Variants in COL19A1 observed in about 807,000 individuals in gnomAD.
The protein encoded by COL19A1 is collagen alpha-1(XIX) chain.
In COL19A1, 159 loss-of-function variants were observed where a neutral mutation model predicts 190.2. The ratio of observed to expected loss-of-function variants is 0.84; its 90% CI spans 0.73 to 0.95. The LOEUF (loss-of-function observed/expected upper bound fraction) is 0.95. COL19A1 is among the 40% of genes least tolerant of loss of function. The pLI is 0.00. For missense variants in COL19A1, 1,418 were observed against 1,431.9 expected (o/e 0.99, Z 0.16); for synonymous variants, 509 against 458.9 (o/e 1.11, Z -1.39).
chr6:70,167,164 C>T (rs983606450), intron 37 of COL19A1, among the ~76,000 whole-genome samples: 7 of 152,312 alleles, frequency 4.6e-5, no homozygotes, highest in African/African-American at 1.7e-4. Flanking sequence ...TGTCTTCCAT[C>T]ACTAGTGTTT....
chr6:70,201,639 G>A (rs943353930), intron 49 of COL19A1, among the ~76,000 whole-genome samples: 5 of 152,140 alleles, frequency 3.3e-5, no homozygotes, highest in Non-Finnish European at 5.9e-5. Flanking sequence ...CTTAGTATAT[G>A]TCTCCTTAAC....
chr6:69,977,046 A>T (rs1775750084), intron 11 of COL19A1, among the ~76,000 whole-genome samples: 1 of 152,208 alleles, frequency 6.6e-6, no homozygotes, highest in East Asian at 1.9e-4. Context: ...CGTTTGACCC[A>T]GCCATCCCAT....
intron 9 of COL19A1, among the ~76,000 whole-genome samples, chr6:69,948,812 A>C (rs1216942220): frequency 6.6e-6 from 1 of 151,760 alleles, no homozygotes; most frequent in Non-Finnish European, 1.5e-5. Context: ...ATTTCACTTA[A>C]AGTAAAACTT....
At chr6:69,984,802 C>T (rs577287357) in intron 11 of COL19A1, among the ~76,000 whole-genome samples, 4 of 152,198 alleles carry the variant, frequency 2.6e-5, no homozygotes, top group African/African-American at 9.6e-5. Flanking sequence ...TATTTGTTTC[C>T]TTGGGGACAT....
At chr6:69,888,352 C>T (rs934851641) in intron 2 of COL19A1, among the ~76,000 whole-genome samples, 1 of 152,176 alleles carries the variant, frequency 6.6e-6, no homozygotes, top group African/African-American at 2.4e-5. Context: ...GCATGTTGGG[C>T]TTCTGGGTTT....
intron 4 of COL19A1, among the ~76,000 whole-genome samples, chr6:69,913,188 T>A (rs115852404): frequency 0.014 from 2,070 of 152,330 alleles, 52 homozygotes; most frequent in African/African-American, 0.04. Flanking sequence ...GAATGTAAAG[T>A]TTCTTTTGGT....
chr6:70,200,734 T>C (rs937184581), intron 49 of COL19A1, among the ~76,000 whole-genome samples: 2 of 152,236 alleles, frequency 1.3e-5, no homozygotes, highest in Non-Finnish European at 2.9e-5. Context: ...AGGTGACTGA[T>C]GTGCCCTTCC....
At chr6:69,968,880 T>A (rs1775265320) in intron 11 of COL19A1, among the ~76,000 whole-genome samples, 1 of 152,160 alleles carries the variant, frequency 6.6e-6, no homozygotes, top group Non-Finnish European at 1.5e-5. Context: ...ACATTCTTAG[T>A]TTCTGGAGTA....
At chr6:69,892,346 A>G (rs1291794952) in intron 2 of COL19A1, among the ~76,000 whole-genome samples, 2 of 152,234 alleles carry the variant, frequency 1.3e-5, no homozygotes, top group Non-Finnish European at 2.9e-5. Context: ...AATGTAAGCG[A>G]AAACTTAAAA....
chr6:69,980,620 A>G (rs1410049782), intron 11 of COL19A1, among the ~76,000 whole-genome samples: 2 of 152,188 alleles, frequency 1.3e-5, no homozygotes, highest in Non-Finnish European at 2.9e-5. Context: ...ATAAAATATA[A>G]TTAATAGGTG....
intron 40 of COL19A1, among the ~76,000 whole-genome samples, chr6:70,171,414 C>G (rs1765494298): frequency 6.6e-6 from 1 of 152,112 alleles, no homozygotes; most frequent in African/African-American, 2.4e-5. Context: ...CTAATCTACC[C>G]CCTTCCAGTG....
intron 2 of COL19A1, among the ~76,000 whole-genome samples, chr6:69,881,439 C>T (rs12189777): frequency 0.1 from 15,292 of 152,180 alleles, 966 homozygotes; most frequent in Middle Eastern, 0.3. Flanking sequence ...TAACACAGTA[C>T]TGTTAATTAT....
intron 14 of COL19A1, among the ~76,000 whole-genome samples, chr6:70,062,652 G>T (rs1780908261): frequency 6.6e-6 from 1 of 151,946 alleles, no homozygotes; most frequent in Non-Finnish European, 1.5e-5. Flanking sequence ...AATGTAAATG[G>T]CCTAAATGCT....
At chr6:70,008,386 G>C (rs1485411620) in intron 11 of COL19A1, among the ~76,000 whole-genome samples, 1 of 151,734 alleles carries the variant, frequency 6.6e-6, no homozygotes, top group Non-Finnish European at 1.5e-5. Context: ...GAAACTGAAA[G>C]GCTTACAAGG....
At chr6:70,068,649 A>G (rs1781386580) in intron 15 of COL19A1, among the ~76,000 whole-genome samples, 173 bp downstream of exon 15, 1 of 151,990 alleles carries the variant, frequency 6.6e-6, no homozygotes, top group Non-Finnish European at 1.5e-5. Context: ...TGCAATTCAG[A>G]AAATTCTATA....
At chr6:70,130,829 C>T (rs952950594) in intron 18 of COL19A1, among the ~76,000 whole-genome samples, 5 of 152,132 alleles carry the variant, frequency 3.3e-5, no homozygotes, top group Non-Finnish European at 7.4e-5. Flanking sequence ...AATGTGAATC[C>T]GTGTAGGTGG....
intron 12 of COL19A1, among the ~76,000 whole-genome samples, chr6:70,025,134 C>T (rs1160637041): frequency 1.3e-5 from 2 of 151,790 alleles, no homozygotes; most frequent in African/African-American, 4.8e-5. Context: ...GGGTTCACGC[C>T]ATTCTCCTGC....
intron 16 of COL19A1, among the ~76,000 whole-genome samples, chr6:70,115,679 C>G (rs748017576): frequency 2.4e-4 from 36 of 152,104 alleles, no homozygotes; most frequent in Admixed American, 9.8e-4. Context: ...CATTTAATCC[C>G]AAGTATGAGA....
intron 42 of COL19A1, among the ~76,000 whole-genome samples, 171 bp from the exon 43 acceptor site, chr6:70,180,141 G>A (rs139819414): frequency 1.3e-4 from 20 of 152,188 alleles, no homozygotes; most frequent in Middle Eastern, 3.4e-3. Context: ...CCACCTCAGC[G>A]TCCCAAAGTG....
Sources: gnomAD v4.1 joint callset for allele counts (sites outside exome capture counted in the v4.1 genomes callset) on GRCh38, gnomAD v4.1.1 for gene constraint, MANE v1.5 for transcripts, NCBI Gene and HGNC (gene_info 2026-07-23, HGNC 2026-07-21) for gene names.